The following SETX variants were observed in gnomAD, a reference collection of about 807,000 sequenced individuals.
SETX encodes the protein helicase senataxin.
SETX carries 90 observed loss-of-function variants against 227.2 expected under a neutral mutation model. The observed-to-expected ratio is 0.40, with a 90% CI of 0.33 to 0.47. SETX has a LOEUF of 0.47. Ranked by LOEUF, SETX falls within the 20% of genes least tolerant of loss-of-function variation. The probability of loss-of-function intolerance (pLI) is 0.91; values close to 1 mark genes in which losing one functional copy is unlikely to be tolerated. For synonymous variants in SETX, 1,210 were observed against 1,113.2 expected (o/e 1.09, Z -1.73); for missense variants, 3,052 against 3,181.5 (o/e 0.96, Z 0.98).
At chr9:132,331,831 ATAAC>A (rs766004714) in intron 7 of SETX, among the ~76,000 whole-genome samples, 5 of 152,208 alleles carry the variant, frequency 3.3e-5, no homozygotes, top group African/African-American at 4.8e-5. Flanking sequence ...CCATCCTCCA[ATAAC>A]TAACAGAAAA....
chr9:132,264,483 A>G lies in SETX; in HGVS notation c.7790T>C (p.Leu2597Pro), dbSNP rs778773116. ...IQQPAAVVAALSSHKPPVRGE... is the reference protein window; with the variant it reads ...IQQPAAVVAAPSSHKPPVRGE... ...CCGCACGGGAGGTTTGTGGCTGCTCAGAGCAGCCACTACAGCAGCGGGCTG... is the reference window on the plus strand; with the variant it reads ...CCGCACGGGAGGTTTGTGGCTGCTCGGAGCAGCCACTACAGCAGCGGGCTG... Residue 2597 changes from leucine (L) to proline (P), a missense_variant, in exon 26 of 26, where the codon CTG becomes CCG. By Grantham distance (98) the Leu-to-Pro change is moderately conservative (BLOSUM62 -3). Around this residue, in one of 10 missense-constraint regions of SETX, gnomAD observed 294 missense variants for 278.8 expected, o/e 1.05. Transcript: ENST00000224140. 3 of 1,613,258 alleles carry G rather than the reference A, an allele frequency of 1.9e-6. No homozygotes were observed. The highest frequency in any genetic ancestry group is 1.7e-5 in the Admixed American group (1 of 59,988).
At chr9:132,300,138 A>G in intron 12 of SETX, among the ~76,000 whole-genome samples, 1 of 149,772 alleles carries the variant, frequency 6.7e-6, no homozygotes, top group Non-Finnish European at 1.5e-5. Context: ...CTCAAAAAAA[A>G]AAAAAAAAAA....
At chr9:132,307,348 T>C (rs900971602) in intron 11 of SETX, among the ~76,000 whole-genome samples, 47 of 152,184 alleles carry the variant, frequency 3.1e-4, no homozygotes, top group African/African-American at 1.1e-3. Context: ...GTTTTTTTTT[T>C]TTAATTTGGA....
intron 5 of SETX, among the ~76,000 whole-genome samples, chr9:132,339,865 T>C (rs986488323): frequency 6.2e-4 from 94 of 152,300 alleles, no homozygotes; most frequent in South Asian, 1.7e-3. Flanking sequence ...TCCGCCCACC[T>C]CAGCCTCCCA....
rs772399668 is a variant in SETX at position 132,264,384 on chromosome 9, C to CA, written c.7888dup (p.Cys2630LeufsTer11). 1 of 1,614,224 alleles carries CA rather than the reference C, an allele frequency of 6.2e-7. No homozygotes were observed. The highest frequency in any genetic ancestry group is 1.1e-5 in the South Asian group (1 of 91,074). ...GAAAGCCCTGGCCTCTCTCCTGTGA[C>CA]AGAGCTCCTCTTCCGGGTCATCACA... On this transcript the variant is annotated frameshift_variant, in exon 26 of 26. Coordinates refer to ENST00000224140, the MANE Select transcript of SETX (RefSeq NM_015046.7). LOFTEE classifies it low-confidence loss of function (END_TRUNC).
At chr9:132,348,379 A>AAC (rs1554825834) in intron 3 of SETX, among the ~76,000 whole-genome samples, 3 of 135,494 alleles carry the variant, frequency 2.2e-5, no homozygotes, top group Non-Finnish European at 3.3e-5. Context: ...AAAACAAAAC[A>AAC]AAAAAAAAAC....
At chr9:132,302,982 A>T (rs1189049117) in intron 11 of SETX, among the ~76,000 whole-genome samples, 1 of 152,148 alleles carries the variant, frequency 6.6e-6, no homozygotes, top group East Asian at 1.9e-4. Flanking sequence ...TTTTTTAACA[A>T]GTAACACTAA....
intron 7 of SETX, 118 bp downstream of exon 7, chr9:132,334,490 C>G: frequency 1.7e-6 from 2 of 1,190,952 alleles, no homozygotes; most frequent in Non-Finnish European, 2.5e-6. Context: ...GAATCTATTA[C>G]TAAACCAGAA....
chr9:132,314,428 C>T (rs7860805), intron 10 of SETX, among the ~76,000 whole-genome samples: 38,092 of 151,742 alleles, frequency 0.25, 6,087 homozygotes, highest in East Asian at 0.67. Flanking sequence ...TTTCACCATG[C>T]TGGCCAGCTG....
intron 9 of SETX, 145 bp downstream of exon 9, chr9:132,330,907 G>A: frequency 1.4e-6 from 1 of 695,862 alleles, no homozygotes; most frequent in Admixed American, 2.2e-5. Context: ...CAATACATCT[G>A]CTGTTCAATG....
Position 132,349,405 on chromosome 9 carries a change from C to G in SETX, c.24G>C (p.Thr8=), listed in dbSNP as rs767823293. The change falls in exon 3 of 26, where the codon ACG becomes ACC. Residue 8 remains threonine, a synonymous_variant. Transcript: ENST00000224140. MSTCCWC[T]PGGASTIDFL... ...AGTCAATGGTGGAAGCACCACCTGG[C>G]GTACACCAACAACATGTGCTCATTC... 1 of 1,614,126 alleles carries G rather than the reference C, an allele frequency of 6.2e-7. No homozygotes were observed. Among genetic ancestry groups the G allele is most frequent in the East Asian group, 2.2e-5 (1 of 44,884 alleles).
rs962992307 is a variant in SETX, at chr9:132,346,353, A to C, written c.296T>G (p.Phe99Cys). 1.2e-6 allele frequency: 2 copies of C among 1,613,788 alleles called. No homozygotes were observed. The highest frequency in any genetic ancestry group is 2.7e-5 in the African/African-American group (2 of 74,936). ...TTCAAAGTCTTGCCCAGTGATGTCA[A>C]ACAGTGGCATCTCTCCATTATTGTC... is the stretch of plus-strand genomic sequence containing the variant. The part of the protein sequence containing the change: ...IVDNNGEMPL[F>C]DITGQDFENK... Residue 99 changes from phenylalanine to cysteine, a missense_variant, in exon 4 of 26, where the codon TTT becomes TGT. Physicochemically the swap from Phe to Cys is radical, Grantham distance 205 (BLOSUM62 -2). Around this residue, in one of 10 missense-constraint regions of SETX, gnomAD observed 152 missense variants for 156.2 expected, o/e 0.97. Coordinates refer to ENST00000224140, the MANE Select transcript of SETX (RefSeq NM_015046.7).
rs765897246 is a variant in SETX, at chr9:132,327,866, T to C, written c.3732A>G (p.Lys1244=). 85 of 1,614,092 alleles carry C rather than the reference T, an allele frequency of 5.3e-5. No individual in the cohort carries two copies. Among genetic ancestry groups the C allele is most frequent in the Non-Finnish European group, 6.8e-5 (80 of 1,180,042 alleles). The stretch of plus-strand genomic sequence containing the variant: ...GTCCTTTTTTGGCATCTGAATGAGT[T>C]TTCTTAGGGGTCTTAGAAACTGGAA... ...RKVPVSKTPK[K]THSDAKKGQN... The change falls in exon 10 of 26, where the codon AAA becomes AAG. Residue 1244 remains lysine (K), a synonymous_variant. Transcript: ENST00000224140.
intron 11 of SETX, among the ~76,000 whole-genome samples, chr9:132,310,433 AAGAGATACAT>A (rs1349373862): frequency 6.6e-6 from 1 of 152,236 alleles, no homozygotes; most frequent in Non-Finnish European, 1.5e-5. Context: ...GAAGAACACT[AAGAGATACAT>A]GGGTGATCAT....
chr9:132,283,160 C>CAAAAAA, intron 19 of SETX, 104 bp downstream of exon 19: 1 of 1,156,750 alleles, frequency 8.6e-7, no homozygotes, highest in Non-Finnish European at 1.2e-6. Flanking sequence ...AAATCAGATG[C>CAAAAAA]AAAAAAAAAA....
chr9:132,348,196 C>CTAAAAATAAAAA (rs1427408632), intron 3 of SETX, among the ~76,000 whole-genome samples: 4 of 151,438 alleles, frequency 2.6e-5, no homozygotes, highest in Non-Finnish European at 5.9e-5. Context: ...CCCATCTCTA[C>CTAAAAATAAAAA]TAAAAATAAA....
chr9:132,314,517 C>T (rs1192678645), intron 10 of SETX, among the ~76,000 whole-genome samples: 1 of 152,218 alleles, frequency 6.6e-6, no homozygotes, highest in African/African-American at 2.4e-5. Flanking sequence ...AGCCACCAAG[C>T]CCGGCTAGCT....
At chr9:132,348,993 T>G (rs1848462402) in intron 3 of SETX, among the ~76,000 whole-genome samples, 1 of 152,146 alleles carries the variant, frequency 6.6e-6, no homozygotes, top group African/African-American at 2.4e-5. Context: ...AGACAGCACT[T>G]CCACTTTCAG....
intron 11 of SETX, among the ~76,000 whole-genome samples, chr9:132,302,681 CAAAA>C (rs57673567): frequency 1.8e-4 from 14 of 78,516 alleles, no homozygotes; most frequent in East Asian, 6.1e-4. Flanking sequence ...AAAAAAAAAG[CAAAA>C]AAAAAAAAAA....
Sources: allele counts gnomAD v4.1 joint callset (sites outside exome capture counted in the v4.1 genomes callset), GRCh38; gene constraint gnomAD v4.1.1; regional missense constraint gnomAD v4.1.1; transcripts MANE v1.5; gene names NCBI Gene and HGNC (gene_info 2026-07-23, HGNC 2026-07-21).